Variants in PRKCB observed in about 807,000 individuals in gnomAD.
PRKCB encodes protein kinase C beta.
In PRKCB, 13 loss-of-function variants were observed where a neutral mutation model predicts 81.5. The ratio of observed to expected loss-of-function variants is 0.16; its 90% CI spans 0.10 to 0.25. PRKCB has a LOEUF of 0.25. PRKCB is among the 10% of genes least tolerant of loss of function. The pLI is 1.00. For missense variants in PRKCB, 509 were observed against 875.7 expected, an observed-to-expected ratio of 0.58 and a Z score of 5.29; for synonymous variants, 335 against 321.4, an observed-to-expected ratio of 1.04 and a Z score of -0.45.
At chr16:24,061,389 T>A (rs1041765448) in intron 5 of PRKCB, among the ~76,000 whole-genome samples, 1 of 150,946 alleles carries the variant, frequency 6.6e-6, no homozygotes, top group Non-Finnish European at 1.5e-5. Context: ...TGAACAGGTT[T>A]CCTAAACACA....
intron 2 of PRKCB, among the ~76,000 whole-genome samples, chr16:23,847,144 C>T (rs1962383868): frequency 6.6e-6 from 1 of 152,108 alleles, no homozygotes; most frequent in Non-Finnish European, 1.5e-5. Context: ...GGGGTGAATT[C>T]TAGCTTTCTT....
chr16:23,891,756 G>A (rs547583201), intron 2 of PRKCB, among the ~76,000 whole-genome samples: 1 of 152,296 alleles, frequency 6.6e-6, no homozygotes, highest in South Asian at 2.1e-4. Flanking sequence ...GCTCTGAAAG[G>A]CCTGGTGAGG....
chr16:23,921,441 T>C (rs1018396351), intron 2 of PRKCB, among the ~76,000 whole-genome samples: 1 of 152,146 alleles, frequency 6.6e-6, no homozygotes, highest in African/African-American at 2.4e-5. Context: ...TTCGGTCTCG[T>C]GAGGAGACAG....
intron 2 of PRKCB, among the ~76,000 whole-genome samples, chr16:23,883,111 G>A (rs1248565985): frequency 6.6e-6 from 1 of 152,132 alleles, no homozygotes; most frequent in East Asian, 1.9e-4. Context: ...CACCCTCCAT[G>A]GAGCTGATAT....
chr16:24,117,062 T>G (rs1339011626), intron 8 of PRKCB, among the ~76,000 whole-genome samples: 1 of 145,726 alleles, frequency 6.9e-6, no homozygotes, highest in Non-Finnish European at 1.5e-5. Flanking sequence ...CGCTGCATAC[T>G]GTACTTGTTG....
Position 24,102,828 on chromosome 16 carries a change from G to C in PRKCB, c.821+8531G>C, listed in dbSNP as rs145127921. Among the ~76,000 whole-genome samples, 420 of 152,218 alleles carry C rather than the reference G, an allele frequency of 2.8e-3. 2 individuals carry two copies. Among genetic ancestry groups the C allele is most frequent in the African/African-American group, 9.6e-3 (397 of 41,530 alleles). ...TTGTGTTTGGCTTTGACTTTCAGTT[G>C]AACATTTTACTAATTTATTTTTTCT... is the stretch of plus-strand genomic sequence containing the variant. On this transcript the variant is annotated intron_variant, in intron 7 of 16. Transcript: ENST00000643927.
rs1962150100 is a variant in PRKCB at position 23,836,169 on chromosome 16, G to A, written c.-7G>A. The A allele has an allele frequency of 6.5e-7, 1 of 1,528,636 alleles. No individual in the cohort carries two copies. The highest frequency in any genetic ancestry group is 8.8e-7 in the Non-Finnish European group (1 of 1,142,000). The allele number at this position is 1,528,636 out of a possible 1,614,324, so 94.7% of individuals were successfully genotyped here. ...CACCTCTCGGGCTCCGGCTCCCCGC[G>A]CGCAAGATGGCTGACCCGGCTGCGG... is the stretch of plus-strand genomic sequence containing the variant. On this transcript the variant is annotated 5_prime_UTR_variant, in exon 1 of 17. Coordinates refer to ENST00000643927, the MANE Select transcript of PRKCB (RefSeq NM_002738.7).
At chr16:23,978,760 A>G (rs1441291103) in intron 2 of PRKCB, among the ~76,000 whole-genome samples, 2 of 152,178 alleles carry the variant, frequency 1.3e-5, no homozygotes, top group Non-Finnish European at 2.9e-5. Flanking sequence ...AAGACTTTCT[A>G]TGGTGCTGGA....
chr16:24,061,906 T>TAAAAAAA (rs766717237), intron 5 of PRKCB, among the ~76,000 whole-genome samples: 2 of 46,080 alleles, frequency 4.3e-5, no homozygotes, highest in Non-Finnish European at 8.4e-5. Flanking sequence ...GCACCTTAAA[T>TAAAAAAA]AAATAAAAAA....
intron 16 of PRKCB, among the ~76,000 whole-genome samples, chr16:24,212,681 G>A (rs972861465): frequency 4.0e-5 from 6 of 151,770 alleles, no homozygotes; most frequent in African/African-American, 1.4e-4. Flanking sequence ...TGGTCAGGCT[G>A]GTCTCAAACT....
intron 16 of PRKCB, among the ~76,000 whole-genome samples, chr16:24,210,795 C>T (rs1312967508): frequency 1.3e-5 from 2 of 152,164 alleles, no homozygotes; most frequent in East Asian, 3.9e-4. Context: ...CTACCCTGCC[C>T]GGCCTTGGCT....
rs993756816 is a variant in PRKCB at position 24,218,484 on chromosome 16, G to A, written c.*3668G>A. 7.1e-6 allele frequency: 7 copies of A among 985,298 alleles called. No individual in the cohort carries two copies. The highest frequency in any genetic ancestry group is 6.2e-5 in the Admixed American group (1 of 16,260). 61.0% of individuals were successfully genotyped at this position (985,298 alleles called of 1,614,324 possible). ...CCCCACTCTAGCCACACATACCCACGTGTGCTCCTGAGTTCAGTGTGCCCA... is the reference window on the plus strand; with the variant it reads ...CCCCACTCTAGCCACACATACCCACATGTGCTCCTGAGTTCAGTGTGCCCA... On this transcript the variant is annotated 3_prime_UTR_variant, in exon 17 of 17. Transcript: ENST00000643927.
intron 10 of PRKCB, among the ~76,000 whole-genome samples, chr16:24,165,350 A>G (rs1016985072): frequency 1.6e-4 from 25 of 152,166 alleles, no homozygotes; most frequent in African/African-American, 6.0e-4. Context: ...GCCACATTCT[A>G]TTTTAGATTA....
intron 2 of PRKCB, among the ~76,000 whole-genome samples, chr16:23,878,077 A>G (rs1232183927): frequency 1.3e-5 from 2 of 151,998 alleles, no homozygotes; most frequent in Non-Finnish European, 2.9e-5. Flanking sequence ...CAGGTGATCC[A>G]CCCACCTGGG....
intron 2 of PRKCB, among the ~76,000 whole-genome samples, chr16:23,960,335 C>T (rs1266368197): frequency 6.6e-6 from 1 of 152,148 alleles, no homozygotes; most frequent in Non-Finnish European, 1.5e-5. Context: ...CTCACCTCTT[C>T]CCTCCCACCC....
intron 2 of PRKCB, among the ~76,000 whole-genome samples, chr16:23,926,757 G>A (rs1963902596): frequency 6.6e-6 from 1 of 151,402 alleles, no homozygotes; most frequent in Non-Finnish European, 1.5e-5. Context: ...CTTTGCTATT[G>A]TACTGTGATA....
chr16:24,174,761 TC>T, intron 12 of PRKCB, 181 bp downstream of exon 12: 1 of 541,604 alleles, frequency 1.8e-6, no homozygotes, highest in Non-Finnish European at 3.3e-6. Flanking sequence ...TTTGGGCAGC[TC>T]TATATGGTGG....
intron 12 of PRKCB, among the ~76,000 whole-genome samples, chr16:24,177,769 T>C (rs1480285264): frequency 2.0e-5 from 3 of 152,210 alleles, no homozygotes; most frequent in Non-Finnish European, 4.4e-5. Flanking sequence ...GTGGTGTCAC[T>C]GGACAAGCCC....
At chr16:24,195,390 G>T (rs1245344883) in intron 16 of PRKCB, among the ~76,000 whole-genome samples, 1 of 152,048 alleles carries the variant, frequency 6.6e-6, no homozygotes, top group Non-Finnish European at 1.5e-5. Context: ...AGAGTTCCAT[G>T]TGCCTTGTGG....
Sources: gnomAD v4.1 joint callset for allele counts (sites outside exome capture counted in the v4.1 genomes callset) on GRCh38, gnomAD v4.1.1 for gene constraint, MANE v1.5 for transcripts, NCBI Gene and HGNC (gene_info 2026-07-23, HGNC 2026-07-21) for gene names.